The following SNX14 variants were observed in gnomAD, a reference collection of about 807,000 sequenced individuals.
The protein encoded by SNX14 is sorting nexin-14.
Under a neutral mutation model 133.8 loss-of-function variants are expected in SNX14, and 93 were observed. The ratio of observed to expected loss-of-function variants is 0.70; its 90% confidence interval spans 0.59 to 0.83. SNX14 has a LOEUF of 0.83. SNX14 is among the 40% of genes least tolerant of loss of function. The pLI is 0.00. For synonymous variants in SNX14, 368 were observed against 365.6 expected, an observed-to-expected ratio of 1.01 and a Z score of -0.07; for missense variants, 945 against 1,094.9, an observed-to-expected ratio of 0.86 and a Z score of 1.93.
chr6:85,572,846 C>A (rs1328362470), intron 2 of SNX14, among the ~76,000 whole-genome samples: 1 of 152,122 alleles, frequency 6.6e-6, no homozygotes, highest in African/African-American at 2.4e-5. Flanking sequence ...ATAATCCCAG[C>A]TACCCAGGAG....
chr6:85,526,410 G>A (rs1778493241), intron 20 of SNX14, among the ~76,000 whole-genome samples, 173 bp from the exon 21 acceptor site: 1 of 152,088 alleles, frequency 6.6e-6, no homozygotes, highest in African/African-American at 2.4e-5. Flanking sequence ...TAAGACCTTG[G>A]CCTTTATAGT....
intron 21 of SNX14, among the ~76,000 whole-genome samples, chr6:85,520,643 C>A (rs1332440790): frequency 1.3e-5 from 2 of 152,198 alleles, no homozygotes; most frequent in East Asian, 3.8e-4. Flanking sequence ...CAGGTGTGAG[C>A]CACCACGCCC....
At chr6:85,570,129 T>C (rs548729449) in intron 4 of SNX14, among the ~76,000 whole-genome samples, 4 of 152,350 alleles carry the variant, frequency 2.6e-5, no homozygotes, top group African/African-American at 9.6e-5. Flanking sequence ...TGATTACCTG[T>C]TTATATGCCT....
chr6:85,583,689 AG>A (rs1186953451), intron 1 of SNX14, among the ~76,000 whole-genome samples: 1 of 152,230 alleles, frequency 6.6e-6, no homozygotes, highest in Non-Finnish European at 1.5e-5. Flanking sequence ...ACAATTTACA[AG>A]GGATGTGAAG....
In SNX14 at chr6:85,514,217, C is replaced by A; in HGVS notation, c.2410G>T (p.Val804Phe). Reference protein sequence around the residue: ...LMYVGRVVFQVPDWLHHLLMG... With the variant: ...LMYVGRVVFQFPDWLHHLLMG... ...AAGAGATGATGAAGCCAGTCAGGAACCTGGAAAACTACCCGTCCTGAGAAA... is the reference window on the plus strand; with the variant it reads ...AAGAGATGATGAAGCCAGTCAGGAAACTGGAAAACTACCCGTCCTGAGAAA... Residue 804 changes from valine (V) to phenylalanine (F), a missense_variant, in exon 25 of 29, where the codon GTT (valine) becomes TTT (phenylalanine). Physicochemically the swap from Val to Phe is conservative, Grantham distance 50. Coordinates refer to ENST00000314673, the MANE Select transcript of SNX14 (RefSeq NM_153816.6). The A allele has an allele frequency of 6.2e-7, 1 of 1,611,936 alleles. No homozygotes were observed. The highest frequency in any genetic ancestry group is 1.1e-5 in the South Asian group (1 of 90,428).
Position 85,574,275 on chromosome 6 carries a change from T to C in SNX14, c.244A>G (p.Ile82Val), listed in dbSNP as rs1562380575. 2 of 1,587,392 alleles carry C rather than the reference T, an allele frequency of 1.3e-6. No individual in the cohort carries two copies. Among genetic ancestry groups the C allele is most frequent in the Non-Finnish European group, 1.7e-6 (2 of 1,161,774 alleles). The change falls in exon 2 of 29, where the codon ATA becomes GTA. Residue 82 changes from isoleucine (I) to valine (V), a missense_variant. Coordinates refer to ENST00000314673, the MANE Select transcript of SNX14 (RefSeq NM_153816.6). ...AATTTTACCTTGGGTTTGTATTTTA[T>C]TGTGAAGAATATATTTGGTAAGAGA... ...DSLLPNIFFT[I>V]KYKPKQLGLQ... is the part of the protein sequence containing the mutation.
At position 85,508,265 on chromosome 6, in the gene SNX14, T is replaced by A. The variant is rs1033167746; in HGVS notation, c.2654-206A>T. 1.4e-5 allele frequency: 16 copies of A among 1,179,106 alleles called. No individual in the cohort carries two copies. In the African/African-American group the frequency reaches 2.6e-4, roughly 19 times the overall value. 73.0% of individuals were successfully genotyped at this position (1,179,106 alleles called of 1,614,324 possible). ...GACAAATGCAGTATCATGTATCCCATTTTTGGAGATTCACAATGCACAAGG... is the reference window on the plus strand; with the variant it reads ...GACAAATGCAGTATCATGTATCCCAATTTTGGAGATTCACAATGCACAAGG... On this transcript the variant is annotated intron_variant, in intron 26 of 28. Coordinates refer to ENST00000314673, the MANE Select transcript of SNX14 (RefSeq NM_153816.6).
intron 26 of SNX14, among the ~76,000 whole-genome samples, chr6:85,512,621 C>CAAAAAAGAAAA (rs1773345618): frequency 8.1e-6 from 1 of 123,548 alleles, no homozygotes; most frequent in Non-Finnish European, 1.7e-5. Context: ...GGCTCTGTCT[C>CAAAAAAGAAAA]AAAAAAAAAA....
At chr6:85,543,052 G>A in intron 14 of SNX14, 130 bp downstream of exon 14, 1 of 922,980 alleles carries the variant, frequency 1.1e-6, no homozygotes. Context: ...ATAGGCGTGA[G>A]CAACTGTGCC....
intron 16 of SNX14, among the ~76,000 whole-genome samples, chr6:85,537,597 C>T (rs1782343698): frequency 6.6e-6 from 1 of 152,066 alleles, no homozygotes; most frequent in South Asian, 2.1e-4. Context: ...CAAAAATGTC[C>T]GTTAGCCTGC....
intron 1 of SNX14, 132 bp downstream of exon 1, chr6:85,593,447 T>C: frequency 7.3e-7 from 1 of 1,365,322 alleles, no homozygotes; most frequent in Non-Finnish European, 9.7e-7. Context: ...AGGCCGCTCC[T>C]CTGCGGAGCT....
chr6:85,576,944 G>A lies in SNX14; in HGVS notation c.141-2566C>T, dbSNP rs185765954. Among the ~76,000 whole-genome samples, 313 of 152,310 alleles carry A rather than the reference G, an allele frequency of 2.1e-3. 4 individuals are homozygous for A. The highest frequency in any genetic ancestry group is 0.019 in the Admixed American group (288 of 15,294). ...AAATAATAGGAAGACCATTCTGGATGAAATATGGAGAATGGCCTAGACTGG... is the reference window on the plus strand; with the variant it reads ...AAATAATAGGAAGACCATTCTGGATAAAATATGGAGAATGGCCTAGACTGG... On this transcript the variant is annotated intron_variant, in intron 1 of 28. Transcript: ENST00000314673.
chr6:85,588,748 T>C (rs546942035), intron 1 of SNX14: 72 of 356,484 alleles, frequency 2.0e-4, no homozygotes, highest in African/African-American at 1.4e-3. Flanking sequence ...AATACAGTAA[T>C]AGTTGGTTAG....
At chr6:85,506,183 G>A (rs1040344893) in intron 28 of SNX14, among the ~76,000 whole-genome samples, 178 bp from the exon 29 acceptor site, 1 of 152,090 alleles carries the variant, frequency 6.6e-6, no homozygotes, top group South Asian at 2.1e-4. Flanking sequence ...AAAAGGCAAC[G>A]TTTAATGACA....
At chr6:85,534,870 A>C (rs1292011174) in intron 17 of SNX14, among the ~76,000 whole-genome samples, 1 of 148,150 alleles carries the variant, frequency 6.7e-6, no homozygotes, top group African/African-American at 2.5e-5. Context: ...CCAAACTATT[A>C]ATAGAAGCGG....
At chr6:85,590,961 A>G (rs1266149785) in intron 1 of SNX14, among the ~76,000 whole-genome samples, 1 of 152,094 alleles carries the variant, frequency 6.6e-6, no homozygotes, top group Admixed American at 6.5e-5. Context: ...CAAGCATTTC[A>G]CTTTTTCTGT....
In SNX14 at chr6:85,543,770, G is replaced by A; in HGVS notation, c.1109-10C>T. The A allele has an allele frequency of 1.3e-6, 2 of 1,484,862 alleles. No homozygotes were observed. The highest frequency in any genetic ancestry group is 1.8e-6 in the Non-Finnish European group (2 of 1,105,876). 92.0% of individuals were successfully genotyped at this position (1,484,862 alleles called of 1,614,324 possible). On this transcript the variant is annotated splice_polypyrimidine_tract_variant and intron_variant, in intron 12 of 28. Coordinates refer to ENST00000314673, the MANE Select transcript of SNX14 (RefSeq NM_153816.6). ...CTATCATTAAATTCCTCTAACAAAT[G>A]AGGGAATGAATAAGAAAAAATAATT...
chr6:85,583,935 T>C (rs1380567971), intron 1 of SNX14, among the ~76,000 whole-genome samples: 3 of 152,194 alleles, frequency 2.0e-5, no homozygotes, highest in Non-Finnish European at 4.4e-5. Context: ...AGAGCCTATA[T>C]AGCCAGACAA....
chr6:85,544,894 C>T (rs935452431), intron 12 of SNX14, among the ~76,000 whole-genome samples: 2 of 152,102 alleles, frequency 1.3e-5, no homozygotes, highest in Non-Finnish European at 2.9e-5. Context: ...AGCACCGGGA[C>T]AGTAAATATG....
Sources: allele counts gnomAD v4.1 joint callset (sites outside exome capture counted in the v4.1 genomes callset), GRCh38; gene constraint gnomAD v4.1.1; transcripts MANE v1.5; gene names NCBI Gene and HGNC (gene_info 2026-07-23, HGNC 2026-07-21).